The following CSMD1 variants were observed in gnomAD, a reference collection of about 807,000 sequenced individuals.
CSMD1 encodes the protein CUB and Sushi multiple domains 1, also known as CUB and sushi domain-containing protein 1.
Under a neutral mutation model 417.5 loss-of-function variants are expected in CSMD1, and 213 were observed. The observed-to-expected ratio is 0.51, with a 90% CI of 0.46 to 0.57. The LOEUF is 0.57. Among genes scored for constraint, CSMD1 ranks in the 20% least tolerant of loss-of-function variants. The probability of loss-of-function intolerance (pLI) is 0.00; values close to 1 mark genes in which losing one functional copy is unlikely to be tolerated. For synonymous variants in CSMD1, 2,862 were observed against 1,736.8 expected (o/e 1.65, Z -16.11); for missense variants, 6,923 against 4,529.7 (o/e 1.53, Z -15.17).
intron 7 of CSMD1, among the ~76,000 whole-genome samples, chr8:3,673,947 G>A (rs575038978): frequency 6.6e-6 from 1 of 152,074 alleles, no homozygotes. Context: ...GCACAATCAT[G>A]TCTCTAATCC....
At chr8:4,168,422 T>C (rs115900190) in intron 3 of CSMD1, among the ~76,000 whole-genome samples, 133 of 152,102 alleles carry the variant, frequency 8.7e-4, no homozygotes, top group African/African-American at 2.9e-3. Flanking sequence ...TTTACATTTA[T>C]TTTTTATATT....
intron 7 of CSMD1, among the ~76,000 whole-genome samples, chr8:3,638,696 A>G (rs1352980961): frequency 1.3e-5 from 2 of 152,158 alleles, no homozygotes; most frequent in Non-Finnish European, 2.9e-5. Flanking sequence ...AAGTCGACAC[A>G]TGGGCAAAAG....
At chr8:3,873,253 T>A (rs1262737230) in intron 5 of CSMD1, among the ~76,000 whole-genome samples, 1 of 152,092 alleles carries the variant, frequency 6.6e-6, no homozygotes, top group African/African-American at 2.4e-5. Context: ...CACATGCAGG[T>A]GTATGTTCAC....
chr8:3,521,257 G>C (rs1182904809), intron 10 of CSMD1, among the ~76,000 whole-genome samples: 10 of 152,150 alleles, frequency 6.6e-5, no homozygotes, highest in African/African-American at 2.4e-4. Context: ...CCAGGGATTC[G>C]TCCAATCTGC....
chr8:3,849,275 A>G (rs1803716795), intron 5 of CSMD1, among the ~76,000 whole-genome samples: 1 of 152,096 alleles, frequency 6.6e-6, no homozygotes, highest in South Asian at 2.1e-4. Context: ...GTGCATGTGA[A>G]TGTGCACAGA....
intron 1 of CSMD1, among the ~76,000 whole-genome samples, chr8:4,807,909 G>C (rs759363939): frequency 6.6e-6 from 1 of 152,126 alleles, no homozygotes; most frequent in Non-Finnish European, 1.5e-5. Flanking sequence ...GGAAGTACAA[G>C]CTCTCTTTCT....
chr8:4,787,806 G>C lies in CSMD1; in HGVS notation c.86-150248C>G, dbSNP rs915277010. The C allele has an allele frequency of 4.4e-6, 7 of 1,574,908 alleles. No homozygotes were observed. The African/African-American group carries it at 8.1e-5, about 18-fold the overall frequency. Reference sequence around the variant, plus strand: ...CAGGCCAGACTGAATTGGATATCATGAGTCATGCTACACAGGCTATATTTG... The same window carrying C: ...CAGGCCAGACTGAATTGGATATCATCAGTCATGCTACACAGGCTATATTTG... On this transcript the variant is annotated intron_variant, in intron 1 of 69. Transcript: ENST00000635120.
At chr8:4,192,895 C>T (rs944845270) in intron 3 of CSMD1, among the ~76,000 whole-genome samples, 1 of 152,176 alleles carries the variant, frequency 6.6e-6, no homozygotes, top group African/African-American at 2.4e-5. Flanking sequence ...CCATAAGTCA[C>T]ACCTTTAAGG....
At chr8:4,197,787 G>T (rs578199876) in intron 3 of CSMD1, among the ~76,000 whole-genome samples, 2 of 152,242 alleles carry the variant, frequency 1.3e-5, no homozygotes, top group East Asian at 1.9e-4. Context: ...GCTGATATGG[G>T]AGGATTGCTT....
At chr8:4,039,490 C>G (rs549076911) in intron 3 of CSMD1, among the ~76,000 whole-genome samples, 68 of 152,264 alleles carry the variant, frequency 4.5e-4, no homozygotes, top group South Asian at 3.1e-3. Context: ...TCTCTGAATG[C>G]GAGCCAATCT....
chr8:3,266,175 C>G (rs1236240652), intron 26 of CSMD1, among the ~76,000 whole-genome samples: 1 of 150,768 alleles, frequency 6.6e-6, no homozygotes, highest in South Asian at 2.1e-4. Flanking sequence ...ACCTGCCTCT[C>G]AAGGGCAAGC....
At chr8:4,865,931 G>A (rs1369606362) in intron 1 of CSMD1, among the ~76,000 whole-genome samples, 4 of 151,870 alleles carry the variant, frequency 2.6e-5, no homozygotes, top group African/African-American at 4.8e-5. Context: ...ATCTTCCTGT[G>A]TAGATAACTT....
At chr8:3,599,139 G>C (rs1255441910) in intron 8 of CSMD1, among the ~76,000 whole-genome samples, 1 of 141,794 alleles carries the variant, frequency 7.1e-6, no homozygotes, top group African/African-American at 3.0e-5. Flanking sequence ...GTGTGTGTGT[G>C]TGTGTGTGTG....
intron 3 of CSMD1, among the ~76,000 whole-genome samples, chr8:4,037,508 G>C (rs1000489631): frequency 2.6e-5 from 4 of 152,088 alleles, no homozygotes; most frequent in African/African-American, 7.2e-5. Context: ...TTAACATCTT[G>C]ACACTTAATT....
At chr8:3,485,629 G>A (rs531570959) in intron 11 of CSMD1, among the ~76,000 whole-genome samples, 1 of 151,624 alleles carries the variant, frequency 6.6e-6, no homozygotes, top group East Asian at 1.9e-4. Context: ...GTGTGGTGGC[G>A]CATGCTGGTT....
intron 5 of CSMD1, among the ~76,000 whole-genome samples, chr8:3,776,807 GATAT>G (rs151060171): frequency 1.4e-5 from 2 of 139,976 alleles, no homozygotes; most frequent in Admixed American, 6.9e-5. Context: ...ATATAGACGA[GATAT>G]ATATATATAT....
chr8:3,893,757 C>T (rs1042752253), intron 5 of CSMD1, among the ~76,000 whole-genome samples: 2 of 152,102 alleles, frequency 1.3e-5, no homozygotes, highest in African/African-American at 2.4e-5. Flanking sequence ...TAATTGAGCT[C>T]ATTCAAGAAA....
At chr8:3,883,581 T>C (rs938232655) in intron 5 of CSMD1, among the ~76,000 whole-genome samples, 2 of 152,186 alleles carry the variant, frequency 1.3e-5, no homozygotes, top group Admixed American at 6.5e-5. Flanking sequence ...AGGAATAGTT[T>C]GCAAAAATTA....
chr8:3,538,562 A>G (rs1798304062), intron 10 of CSMD1, among the ~76,000 whole-genome samples: 1 of 152,266 alleles, frequency 6.6e-6, no homozygotes. Flanking sequence ...GAGCTGGCTA[A>G]CCTGAGTTGC....
Sources: gnomAD v4.1 joint callset for allele counts (sites outside exome capture counted in the v4.1 genomes callset) on GRCh38, gnomAD v4.1.1 for gene constraint, MANE v1.5 for transcripts, NCBI Gene and HGNC (gene_info 2026-07-23, HGNC 2026-07-21) for gene names.